The following DLG2 variants were observed in gnomAD, a reference collection of about 807,000 sequenced individuals.
DLG2 encodes discs large MAGUK scaffold protein 2.
In DLG2, 45 loss-of-function variants were observed where a neutral mutation model predicts 132.5. That is an observed-to-expected ratio of 0.34 (90% CI 0.27 to 0.44). The LOEUF (loss-of-function observed/expected upper bound fraction) is 0.44, where lower values mean the gene tolerates loss of function less well. Among genes scored for constraint, DLG2 ranks in the 20% least tolerant of loss-of-function variants. DLG2 has a pLI of 1.00. For synonymous variants in DLG2, 424 were observed against 419.6 expected (o/e 1.01, Z -0.13); for missense variants, 1,045 against 1,196.9 (o/e 0.87, Z 1.87).
At chr11:83,768,924 G>A (rs2094262084) in intron 18 of DLG2, among the ~76,000 whole-genome samples, 1 of 152,162 alleles carries the variant, frequency 6.6e-6, no homozygotes, top group Non-Finnish European at 1.5e-5. Context: ...TCAGAATTTT[G>A]CCTCTTCTAC....
At chr11:84,643,824 T>C (rs1172306249) in intron 6 of DLG2, among the ~76,000 whole-genome samples, 3 of 152,200 alleles carry the variant, frequency 2.0e-5, no homozygotes, top group Non-Finnish European at 4.4e-5. Flanking sequence ...CTGATGTTTT[T>C]GAAATATGAC....
intron 7 of DLG2, among the ~76,000 whole-genome samples, chr11:84,373,696 AC>A (rs1186963721): frequency 6.6e-6 from 1 of 152,190 alleles, no homozygotes; most frequent in African/African-American, 2.4e-5. Context: ...TTGAATTATC[AC>A]ATTGTTGAAA....
chr11:84,406,011 G>A (rs2098847619), intron 7 of DLG2, among the ~76,000 whole-genome samples: 1 of 152,114 alleles, frequency 6.6e-6, no homozygotes, highest in South Asian at 2.1e-4. Flanking sequence ...CTTGGTCACA[G>A]TTTTGTTATT....
chr11:84,827,374 T>C (rs866712246), intron 6 of DLG2, among the ~76,000 whole-genome samples: 1 of 151,018 alleles, frequency 6.6e-6, no homozygotes, highest in African/African-American at 2.4e-5. Context: ...AAAAAAAAAA[T>C]TTATGTCTGA....
intron 6 of DLG2, among the ~76,000 whole-genome samples, chr11:84,595,145 CT>C (rs1411235416): frequency 6.6e-6 from 1 of 152,096 alleles, no homozygotes; most frequent in Admixed American, 6.6e-5. Flanking sequence ...AGAAAAAGTT[CT>C]ATTTCTGAAG....
intron 4 of DLG2, among the ~76,000 whole-genome samples, chr11:85,185,823 A>G (rs1040416579): frequency 5.3e-5 from 8 of 151,834 alleles, no homozygotes; most frequent in Non-Finnish European, 1.0e-4. Flanking sequence ...ACTGCTAACT[A>G]CTTCCCAAAT....
At chr11:84,961,240 G>C (rs1026493921) in intron 6 of DLG2, among the ~76,000 whole-genome samples, 1 of 151,778 alleles carries the variant, frequency 6.6e-6, no homozygotes, top group Admixed American at 6.6e-5. Context: ...ATGTATAATT[G>C]ATAGTAGAAG....
chr11:85,266,510 A>G (rs745867770), intron 4 of DLG2, among the ~76,000 whole-genome samples: 9 of 152,146 alleles, frequency 5.9e-5, no homozygotes, highest in African/African-American at 1.4e-4. Flanking sequence ...CCTAATGTAG[A>G]TATCAGGTTG....
intron 9 of DLG2, among the ~76,000 whole-genome samples, chr11:84,152,417 T>C (rs1178301139): frequency 2.0e-5 from 3 of 151,536 alleles, no homozygotes; most frequent in Non-Finnish European, 2.9e-5. Flanking sequence ...GACGGAGTCT[T>C]GCACTGTTGC....
intron 4 of DLG2, among the ~76,000 whole-genome samples, chr11:85,183,773 C>T (rs949123860): frequency 1.6e-4 from 24 of 151,870 alleles, no homozygotes; most frequent in African/African-American, 5.6e-4. Context: ...GTTGAGAAAA[C>T]AGGCTGCCCT....
intron 7 of DLG2, among the ~76,000 whole-genome samples, chr11:84,434,208 A>G (rs2098993702): frequency 1.3e-5 from 2 of 152,284 alleles, no homozygotes; most frequent in East Asian, 1.9e-4. Context: ...AATCTTTAAC[A>G]ACATGAAAGA....
chr11:83,683,385 C>T (rs1386058747), intron 18 of DLG2, among the ~76,000 whole-genome samples: 1 of 152,104 alleles, frequency 6.6e-6, no homozygotes, highest in Admixed American at 6.5e-5. Flanking sequence ...TGGCAGAGCT[C>T]TAATGGACTC....
chr11:83,512,191 G>A (rs1373814217), intron 21 of DLG2, among the ~76,000 whole-genome samples: 2 of 152,152 alleles, frequency 1.3e-5, no homozygotes, highest in Non-Finnish European at 2.9e-5. Context: ...GCCCAATGGG[G>A]AGGTGCAAAG....
intron 18 of DLG2, among the ~76,000 whole-genome samples, chr11:83,716,035 T>G (rs141284815): frequency 6.6e-6 from 1 of 152,190 alleles, no homozygotes; most frequent in Non-Finnish European, 1.5e-5. Context: ...TTCTAAGCTC[T>G]GTGAGGATGG....
At chr11:84,904,107 T>C (rs1404331097) in intron 6 of DLG2, among the ~76,000 whole-genome samples, 1 of 152,134 alleles carries the variant, frequency 6.6e-6, no homozygotes. Flanking sequence ...GTTTTAACAA[T>C]AATTCTTTAA....
At chr11:83,825,856 T>C (rs1486878196) in intron 17 of DLG2, among the ~76,000 whole-genome samples, 1 of 152,182 alleles carries the variant, frequency 6.6e-6, no homozygotes, top group Non-Finnish European at 1.5e-5. Context: ...CTGGCATCTG[T>C]GGCACTACGG....
chr11:85,597,788 T>C (rs1474127483), intron 3 of DLG2, among the ~76,000 whole-genome samples: 4 of 151,722 alleles, frequency 2.6e-5, no homozygotes, highest in Non-Finnish European at 4.4e-5. Context: ...AATGAAAATA[T>C]CTAGGAGACT....
At chr11:84,702,211 C>T (rs1475788287) in intron 6 of DLG2, among the ~76,000 whole-genome samples, 1 of 151,588 alleles carries the variant, frequency 6.6e-6, no homozygotes, top group Non-Finnish European at 1.5e-5. Flanking sequence ...ACTTCTTTTA[C>T]CCTGCACCTC....
At chr11:83,560,500 G>A (rs2096593042) in intron 19 of DLG2, among the ~76,000 whole-genome samples, 1 of 115,030 alleles carries the variant, frequency 8.7e-6, no homozygotes, top group Non-Finnish European at 1.8e-5. Context: ...AAAGGTGGAT[G>A]TTAATGTGAG....
Sources: allele counts gnomAD v4.1 joint callset (sites outside exome capture counted in the v4.1 genomes callset), GRCh38; gene constraint gnomAD v4.1.1; transcripts MANE v1.5; gene names NCBI Gene and HGNC (gene_info 2026-07-23, HGNC 2026-07-21).